The following IQCJ variants were observed in gnomAD, a reference collection of about 807,000 sequenced individuals.
The protein encoded by IQCJ is IQ domain-containing protein J.
A neutral mutation model predicts 11.0 loss-of-function variants in IQCJ; 9 were observed. That is an observed-to-expected ratio of 0.82 (90% CI 0.49 to 1.43). The LOEUF (loss-of-function observed/expected upper bound fraction) is 1.43. Ranked by LOEUF, IQCJ falls within the 40% of genes most tolerant of loss-of-function variation. The pLI is 0.00. For missense variants in IQCJ, 146 were observed against 133.2 expected (o/e 1.10, Z -0.47); for synonymous variants, 55 against 51.3 (o/e 1.07, Z -0.31).
chr3:159,136,302 C>A (rs956007165), intron 1 of IQCJ, among the ~76,000 whole-genome samples: 14 of 152,156 alleles, frequency 9.2e-5, no homozygotes, highest in Admixed American at 9.2e-4. Flanking sequence ...CCAAATCACA[C>A]AACCAGAAGC....
chr3:159,165,619 CTT>C (rs72123015), intron 1 of IQCJ, among the ~76,000 whole-genome samples: 8 of 142,544 alleles, frequency 5.6e-5, no homozygotes, highest in Non-Finnish European at 4.6e-5. Context: ...GTTAAAGCTT[CTT>C]TTTTTTTTTT....
intron 1 of IQCJ, among the ~76,000 whole-genome samples, chr3:159,084,942 G>C (rs936015911): frequency 2.0e-5 from 3 of 151,354 alleles, no homozygotes; most frequent in African/African-American, 7.3e-5. Context: ...TATACTTTAA[G>C]TTTTAGGGTA....
intron 1 of IQCJ, among the ~76,000 whole-genome samples, chr3:159,188,968 C>T (rs539010118): frequency 6.6e-6 from 1 of 152,230 alleles, no homozygotes; most frequent in South Asian, 2.1e-4. Context: ...CATGAAATTA[C>T]AGGTTCAGTT....
chr3:159,247,781 CT>C (rs1294949771), intron 2 of IQCJ, among the ~76,000 whole-genome samples: 4 of 152,098 alleles, frequency 2.6e-5, no homozygotes, highest in African/African-American at 4.8e-5. Context: ...TATGACCTGC[CT>C]TGTGGAAGAG....
chr3:159,192,993 C>T (rs1290754213), intron 1 of IQCJ, among the ~76,000 whole-genome samples: 1 of 152,172 alleles, frequency 6.6e-6, no homozygotes, highest in Admixed American at 6.5e-5. Flanking sequence ...CTAGTTTCCT[C>T]TCATCCTCAG....
At chr3:159,133,004 A>G (rs985475502) in intron 1 of IQCJ, among the ~76,000 whole-genome samples, 2 of 151,976 alleles carry the variant, frequency 1.3e-5, no homozygotes, top group Non-Finnish European at 2.9e-5. Context: ...ATTTGGTTTC[A>G]GTTTTTCTAC....
intron 1 of IQCJ, among the ~76,000 whole-genome samples, chr3:159,096,171 A>G (rs1318974722): frequency 1.0e-5 from 1 of 98,314 alleles, no homozygotes; most frequent in East Asian, 3.2e-4. Flanking sequence ...TTCTTTTGAG[A>G]AGTGTCTGTT....
At chr3:159,089,320 T>C (rs1717055549) in intron 1 of IQCJ, among the ~76,000 whole-genome samples, 1 of 152,236 alleles carries the variant, frequency 6.6e-6, no homozygotes, top group Non-Finnish European at 1.5e-5. Context: ...CCTTTGAGGA[T>C]AACCTGACCT....
chr3:159,213,888 C>T (rs966629021), intron 1 of IQCJ, among the ~76,000 whole-genome samples: 2 of 151,950 alleles, frequency 1.3e-5, no homozygotes, highest in Non-Finnish European at 2.9e-5. Flanking sequence ...CTTCTGTGAC[C>T]CCATTTTCTC....
At chr3:159,230,208 A>G (rs991878660) in intron 1 of IQCJ, among the ~76,000 whole-genome samples, 1 of 152,096 alleles carries the variant, frequency 6.6e-6, no homozygotes, top group African/African-American at 2.4e-5. Context: ...AGGTTTCTAC[A>G]AAGTACATGA....
At chr3:159,149,379 C>G (rs1044398451) in intron 1 of IQCJ, among the ~76,000 whole-genome samples, 2 of 152,186 alleles carry the variant, frequency 1.3e-5, no homozygotes, top group Non-Finnish European at 2.9e-5. Context: ...GTAGCTCTTT[C>G]AGATATTAGA....
At chr3:159,108,697 T>A (rs1718425296) in intron 1 of IQCJ, among the ~76,000 whole-genome samples, 1 of 152,208 alleles carries the variant, frequency 6.6e-6, no homozygotes, top group Non-Finnish European at 1.5e-5. Flanking sequence ...ATTGGTAAAT[T>A]TCATCCCCCA....
chr3:159,074,692 A>T (rs1334329331), intron 1 of IQCJ, among the ~76,000 whole-genome samples: 1 of 152,176 alleles, frequency 6.6e-6, no homozygotes, highest in African/African-American at 2.4e-5. Flanking sequence ...ATGTTTACAG[A>T]CACCAACAAT....
chr3:159,200,567 GC>G (rs1447415238), intron 1 of IQCJ, among the ~76,000 whole-genome samples: 1 of 152,166 alleles, frequency 6.6e-6, no homozygotes, highest in East Asian at 1.9e-4. Context: ...GGAAGCAGAA[GC>G]CCCAACCACC....
intron 1 of IQCJ, among the ~76,000 whole-genome samples, chr3:159,131,151 T>C (rs1009707454): frequency 1.3e-5 from 2 of 152,154 alleles, no homozygotes; most frequent in Non-Finnish European, 2.9e-5. Flanking sequence ...TGGGTTCAAA[T>C]CCTGTATTAG....
At chr3:159,211,957 C>A (rs1302891748) in intron 1 of IQCJ, among the ~76,000 whole-genome samples, 2 of 151,718 alleles carry the variant, frequency 1.3e-5, no homozygotes, top group African/African-American at 4.8e-5. Flanking sequence ...TGGGTGAGAG[C>A]AGCTGAGTTC....
chr3:159,223,386 A>T (rs1725663988), intron 1 of IQCJ, among the ~76,000 whole-genome samples: 1 of 152,178 alleles, frequency 6.6e-6, no homozygotes, highest in Admixed American at 6.5e-5. Flanking sequence ...TATATGTAAA[A>T]ATGTGACTTT....
At chr3:159,069,790 C>T in intron 1 of IQCJ, 2 of 499,282 alleles carry the variant, frequency 4.0e-6, no homozygotes. Flanking sequence ...ATACATTTTT[C>T]ACACCCATGC....
chr3:159,178,588 T>C (rs1322707913), intron 1 of IQCJ, among the ~76,000 whole-genome samples: 1 of 152,344 alleles, frequency 6.6e-6, no homozygotes, highest in East Asian at 1.9e-4. Flanking sequence ...TTTCTTTCCA[T>C]GCCCCTCATG....
Sources: gnomAD v4.1 joint callset for allele counts (sites outside exome capture counted in the v4.1 genomes callset) on GRCh38, gnomAD v4.1.1 for gene constraint, MANE v1.5 for transcripts, NCBI Gene and HGNC (gene_info 2026-07-23, HGNC 2026-07-21) for gene names.